The following TRIQK variants were observed in gnomAD, a reference collection of about 807,000 sequenced individuals.
TRIQK encodes triple QxxK/R motif containing.
In TRIQK, 10 loss-of-function variants were observed where a neutral mutation model predicts 10.8. The ratio of observed to expected loss-of-function variants is 0.92; its 90% CI spans 0.57 to 1.57. The LOEUF is 1.57. TRIQK is among the 40% of genes most tolerant of loss of function. TRIQK has a pLI of 0.00. For synonymous variants in TRIQK, 33 were observed against 33.7 expected (o/e 0.98, Z 0.07); for missense variants, 107 against 97.7 (o/e 1.09, Z -0.40).
chr8:92,928,023 T>C (rs1195509303), intron 2 of TRIQK: 1 of 152,104 alleles, frequency 6.6e-6, no homozygotes, highest in South Asian at 2.1e-4. Flanking sequence ...TTCCAATTAA[T>C]GTCAAGAGGT....
At chr8:92,910,474 A>G (rs1025612472) in intron 3 of TRIQK, among the ~76,000 whole-genome samples, 2 of 151,162 alleles carry the variant, frequency 1.3e-5, no homozygotes, top group Admixed American at 6.6e-5. Flanking sequence ...AAAAATCACT[A>G]CAAATGAAAA....
In TRIQK at chr8:92,916,986, C is replaced by A; in HGVS notation, c.4G>T (p.Gly2Cys). M[G>C]RKDAATIKLP... ...TTTATAGTAGCAGCATCTTTTCTAC[C>A]CATCTTTGATCTCCAAAATGCCTGC... Residue 2 changes from glycine (G) to cysteine (C), a missense_variant, in exon 3 of 5, where the codon GGT becomes TGT. Coordinates refer to ENST00000521988, the MANE Select transcript of TRIQK (RefSeq NM_001171797.2). The A allele has an allele frequency of 2.0e-6, 3 of 1,501,990 alleles. No individual in the cohort carries two copies. Among genetic ancestry groups the A allele is most frequent in the Non-Finnish European group, 2.7e-6 (3 of 1,131,664 alleles). The allele number at this position is 1,501,990 out of a possible 1,614,324, so 93.0% of individuals were successfully genotyped here.
chr8:92,970,255 C>T (rs1393905100), upstream of TRIQK, among the ~76,000 whole-genome samples: 4 of 152,090 alleles, frequency 2.6e-5, no homozygotes, highest in Admixed American at 6.5e-5. Context: ...AATGAACATG[C>T]GCATGCATGT....
chr8:92,888,375 A>G (rs1257038088), intron 4 of TRIQK, among the ~76,000 whole-genome samples: 2 of 151,690 alleles, frequency 1.3e-5, no homozygotes, highest in Non-Finnish European at 3.0e-5. Flanking sequence ...ATGAAAAGGC[A>G]TTTAAGGGAT....
intron 1 of TRIQK, among the ~76,000 whole-genome samples, chr8:92,980,808 A>T (rs922421153): frequency 4.0e-5 from 6 of 151,280 alleles, no homozygotes; most frequent in Admixed American, 4.0e-4. Flanking sequence ...CATATTTTCC[A>T]GTTTTTTGAT....
At chr8:93,004,791 A>C (rs1250872649) in intron 1 of TRIQK, among the ~76,000 whole-genome samples, 1 of 152,222 alleles carries the variant, frequency 6.6e-6, no homozygotes, top group Admixed American at 6.5e-5. Flanking sequence ...CAGCAGGGGC[A>C]CAATGCCACC....
chr8:92,936,987 C>T (rs1013285779), intron 2 of TRIQK, among the ~76,000 whole-genome samples: 1 of 151,528 alleles, frequency 6.6e-6, no homozygotes, highest in Non-Finnish European at 1.5e-5. Flanking sequence ...TTTGAGGGAG[C>T]AATGTGGCAA....
chr8:92,964,608 TAAAA>T (rs796959876), intron 1 of TRIQK, among the ~76,000 whole-genome samples: 1 of 138,368 alleles, frequency 7.2e-6, no homozygotes, highest in Admixed American at 7.3e-5. Flanking sequence ...ACCCTAAGAT[TAAAA>T]AAAAAAAAAA....
At chr8:92,987,667 A>G (rs1416547163) in intron 1 of TRIQK, among the ~76,000 whole-genome samples, 1 of 152,178 alleles carries the variant, frequency 6.6e-6, no homozygotes. Context: ...AAATAAAGAA[A>G]ATTATAATTT....
chr8:93,014,114 A>G lies in TRIQK; in HGVS notation c.-181+3495T>C, dbSNP rs368581305. Among the ~76,000 whole-genome samples, 14 of 152,276 alleles carry G rather than the reference A, an allele frequency of 9.2e-5. No individual in the cohort carries two copies. The East Asian group carries it at 1.9e-3, about 21-fold the overall frequency. ...TGTGAAACAGCAGGATTAACTTTCT[A>G]CTGGGAAATCTGTTTCAGTATAATT... On this transcript the variant is annotated intron_variant, in intron 1 of 4. Coordinates refer to the TRIQK transcript ENST00000520686.
intron 1 of TRIQK, among the ~76,000 whole-genome samples, chr8:92,978,134 G>C (rs971875718): frequency 6.6e-6 from 1 of 152,044 alleles, no homozygotes; most frequent in African/African-American, 2.4e-5. Flanking sequence ...CTCTGTAGTT[G>C]TCTCCTGTCT....
intron 1 of TRIQK, among the ~76,000 whole-genome samples, chr8:92,999,529 A>G (rs545883625): frequency 2.7e-4 from 41 of 152,264 alleles, no homozygotes; most frequent in South Asian, 8.3e-4. Context: ...GTATGAATTC[A>G]GAAGGTCTTA....
chr8:92,888,344 AT>A (rs989486241), intron 4 of TRIQK, among the ~76,000 whole-genome samples: 3 of 151,710 alleles, frequency 2.0e-5, no homozygotes, highest in African/African-American at 7.2e-5. Flanking sequence ...TTCACTATAT[AT>A]TTTCAGAACA....
intron 1 of TRIQK, among the ~76,000 whole-genome samples, chr8:92,955,650 GAAGAA>G (rs1812131816): frequency 6.6e-6 from 1 of 151,622 alleles, no homozygotes; most frequent in South Asian, 2.1e-4. Context: ...CTGCAGAATA[GAAGAA>G]AATACTTGCA....
At chr8:92,936,898 G>C (rs190490207) in intron 2 of TRIQK, among the ~76,000 whole-genome samples, 2 of 151,672 alleles carry the variant, frequency 1.3e-5, no homozygotes, top group African/African-American at 2.4e-5. Context: ...ACCTCTAAAA[G>C]TATATGCATG....
chr8:92,894,325 C>T (rs528471050), intron 3 of TRIQK, among the ~76,000 whole-genome samples: 2 of 152,146 alleles, frequency 1.3e-5, no homozygotes, highest in East Asian at 3.9e-4. Context: ...CAGATCATTC[C>T]ATTGTACCCA....
chr8:92,952,717 A>T (rs1240544276), intron 2 of TRIQK, among the ~76,000 whole-genome samples: 1 of 152,030 alleles, frequency 6.6e-6, no homozygotes, highest in East Asian at 1.9e-4. Flanking sequence ...AAATCAGTAC[A>T]AAGGTATGAC....
At chr8:92,932,164 T>G (rs981761369) in intron 2 of TRIQK, among the ~76,000 whole-genome samples, 1 of 152,226 alleles carries the variant, frequency 6.6e-6, no homozygotes, top group South Asian at 2.1e-4. Flanking sequence ...TAGGTGCCTA[T>G]GAAACTATGG....
chr8:92,941,909 T>C (rs983744014), intron 2 of TRIQK, among the ~76,000 whole-genome samples: 4 of 152,100 alleles, frequency 2.6e-5, no homozygotes, highest in Non-Finnish European at 4.4e-5. Context: ...AGAACAATAA[T>C]AACTAACCAG....
Sources: allele counts gnomAD v4.1 joint callset (sites outside exome capture counted in the v4.1 genomes callset), GRCh38; gene constraint gnomAD v4.1.1; transcripts MANE v1.5; gene names NCBI Gene and HGNC (gene_info 2026-07-23, HGNC 2026-07-21).